Variants in PLVAP observed in about 807,000 individuals in gnomAD.
PLVAP encodes the protein plasmalemma vesicle-associated protein.
A neutral mutation model predicts 43.1 loss-of-function variants in PLVAP; 34 were observed. The observed-to-expected ratio is 0.79, with a 90% CI of 0.60 to 1.05. The LOEUF (loss-of-function observed/expected upper bound fraction) is 1.05. Ranked by LOEUF, PLVAP falls within the 50% of genes least tolerant of loss-of-function variation. PLVAP has a pLI of 0.00. For missense variants in PLVAP, 574 were observed against 593.4 expected (o/e 0.97, Z 0.34); for synonymous variants, 241 against 237.3 (o/e 1.02, Z -0.14).
intron 1 of PLVAP, among the ~76,000 whole-genome samples, chr19:17,372,595 T>C (rs1189238512): frequency 7.4e-5 from 11 of 149,306 alleles, no homozygotes; most frequent in Admixed American, 4.0e-4. Context: ...TAGCTGGGAC[T>C]ACAGGCGCCC....
intron 1 of PLVAP, among the ~76,000 whole-genome samples, chr19:17,376,183 A>G (rs945992443): frequency 6.6e-6 from 1 of 151,936 alleles, no homozygotes; most frequent in Non-Finnish European, 1.5e-5. Context: ...GCCTCCAAAA[A>G]AAAGAAAAGA....
At chr19:17,372,836 G>A (rs539020511) in intron 1 of PLVAP, among the ~76,000 whole-genome samples, 266 of 150,640 alleles carry the variant, frequency 1.8e-3, no homozygotes, top group African/African-American at 6.3e-3. Flanking sequence ...GCCAAGGCGG[G>A]CGGATCACGA....
chr19:17,370,159 G>A (rs2145725409), intron 1 of PLVAP, among the ~76,000 whole-genome samples: 1 of 152,282 alleles, frequency 6.6e-6, no homozygotes, highest in South Asian at 2.1e-4. Flanking sequence ...AGGTGTTGAT[G>A]AGGATGTGGG....
chr19:17,364,764 C>CTTT (rs71162109), intron 3 of PLVAP, among the ~76,000 whole-genome samples: 3 of 87,358 alleles, frequency 3.4e-5, no homozygotes, highest in Admixed American at 1.1e-4. Context: ...TAATTCCAGT[C>CTTT]TTTTTTTTTT....
chr19:17,356,633 C>G (rs1163437345), intron 5 of PLVAP, among the ~76,000 whole-genome samples: 3 of 150,918 alleles, frequency 2.0e-5, no homozygotes, highest in East Asian at 4.1e-4. Flanking sequence ...GCCACTTTGT[C>G]CCACTAAACT....
chr19:17,359,812 C>T (rs761300487), intron 5 of PLVAP, among the ~76,000 whole-genome samples: 9 of 151,556 alleles, frequency 5.9e-5, no homozygotes, highest in Non-Finnish European at 1.0e-4. Context: ...CCTGCCTCAG[C>T]CTCCTGAGTA....
intron 5 of PLVAP, among the ~76,000 whole-genome samples, chr19:17,355,655 C>T (rs1040827053): frequency 6.6e-6 from 1 of 152,026 alleles, no homozygotes; most frequent in African/African-American, 2.4e-5. Context: ...CTGCCTTAGC[C>T]TCCCGAGTAG....
intron 5 of PLVAP, among the ~76,000 whole-genome samples, chr19:17,356,003 A>G (rs2074505234): frequency 6.6e-6 from 1 of 152,220 alleles, no homozygotes; most frequent in African/African-American, 2.4e-5. Context: ...TCACCAACAG[A>G]AAATGACTTT....
chr19:17,365,657 T>A lies in PLVAP; in HGVS notation c.808A>T (p.Arg270Ter). The change falls in exon 3 of 6, where the codon AGA (arginine) becomes TGA (stop). Residue 270 changes from arginine to a stop codon, truncating the protein, a stop_gained. Transcript: ENST00000252590. LOFTEE classifies it high-confidence loss of function. The stretch of plus-strand genomic sequence containing the variant: ...AGGCTGGGCATGTGGTCGCAGGCTC[T>A]GCGGATGGAGGCCAATTCCGAGCCC... ...PLGSELASIR[R>*]ACDHMPSLMS... 1 of 1,613,736 alleles carries A rather than the reference T, an allele frequency of 6.2e-7. No individual in the cohort carries two copies. The highest frequency in any genetic ancestry group is 2.2e-5 in the East Asian group (1 of 44,884).
intron 1 of PLVAP, among the ~76,000 whole-genome samples, chr19:17,373,203 G>T (rs958100919): frequency 6.6e-5 from 10 of 152,030 alleles, no homozygotes; most frequent in African/African-American, 2.4e-4. Context: ...TGAGGGAGGG[G>T]CACAGTTATG....
chr19:17,351,467 ATATT>A lies in PLVAP; in HGVS notation c.*891_*894del, dbSNP rs2074484336. 1 of 152,198 alleles carries A rather than the reference ATATT, an allele frequency of 6.6e-6. No homozygotes were observed. The highest frequency in any genetic ancestry group is 2.4e-5 in the African/African-American group (1 of 41,446). The allele number at this position is 152,198 out of a possible 1,614,324, so 9.4% of individuals were successfully genotyped here. A position where few individuals can be genotyped will look rare whatever the true frequency, so the allele number is the denominator to read the frequency against. On this transcript the variant is annotated 3_prime_UTR_variant, in exon 6 of 6. Transcript: ENST00000252590. ...TCTGGAGTCTTTGAAGGATTTACTA[ATATT>A]TATTAAGTGCCACCAACATTTCAAC...
chr19:17,372,602 GC>G (rs1365748550), intron 1 of PLVAP, among the ~76,000 whole-genome samples: 1 of 148,968 alleles, frequency 6.7e-6, no homozygotes, highest in Non-Finnish European at 1.5e-5. Flanking sequence ...GACTACAGGC[GC>G]CCACCACCAC....
rs1482268538 is a variant in PLVAP at position 17,377,290 on chromosome 19, T to C, written c.-2A>G. On this transcript the variant is annotated 5_prime_UTR_variant, in exon 1 of 6. Transcript: ENST00000252590. Reference sequence around the variant, plus strand: ...TCCGTGCTCCATGGCCAGACCCATTTGCTCGATCCCGCCGTCCGGTGCACC... The same window carrying C: ...TCCGTGCTCCATGGCCAGACCCATTCGCTCGATCCCGCCGTCCGGTGCACC... The C allele has an allele frequency of 1.2e-5, 20 of 1,606,660 alleles. No individual in the cohort carries two copies. The East Asian group carries it at 4.2e-4, about 34-fold the overall frequency.
chr19:17,352,478 C>A (rs2145715807), intron 5 of PLVAP, 110 bp from the exon 6 acceptor site: 1 of 1,224,244 alleles, frequency 8.2e-7, no homozygotes, highest in South Asian at 1.3e-5. Context: ...TCCTGGGGAC[C>A]CCGGCCCTGC....
intron 5 of PLVAP, among the ~76,000 whole-genome samples, chr19:17,354,200 G>A (rs997060927): frequency 6.6e-6 from 1 of 152,170 alleles, no homozygotes; most frequent in African/African-American, 2.4e-5. Context: ...TGAGGCATGA[G>A]AATTGCTTGA....
intron 3 of PLVAP, 176 bp from the exon 4 acceptor site, chr19:17,361,008 A>G (rs1441478969): frequency 1.7e-6 from 1 of 595,100 alleles, no homozygotes; most frequent in East Asian, 2.9e-5. Flanking sequence ...TCTGCCTCCC[A>G]GGTTCAAGCG....
At chr19:17,359,709 T>TTTTTTTTG (rs1491085370) in intron 5 of PLVAP, among the ~76,000 whole-genome samples, 2 of 132,788 alleles carry the variant, frequency 1.5e-5, no homozygotes, top group Non-Finnish European at 1.6e-5. Flanking sequence ...TTTTTTTTTT[T>TTTTTTTTG]TCTGACACAG....
chr19:17,352,053 C>T lies in PLVAP; in HGVS notation c.*309G>A. ...TGTGCGACGTGCTGCATCTGCACGACGCCATCGCTATATCTCTTCGTGACG... is the reference window on the plus strand; with the variant it reads ...TGTGCGACGTGCTGCATCTGCACGATGCCATCGCTATATCTCTTCGTGACG... On this transcript the variant is annotated 3_prime_UTR_variant, in exon 6 of 6. Transcript: ENST00000252590. 3 of 447,482 alleles carry T rather than the reference C, an allele frequency of 6.7e-6. No individual in the cohort carries two copies. The highest frequency in any genetic ancestry group is 1.2e-5 in the Non-Finnish European group (3 of 244,546). The allele number at this position is 447,482 out of a possible 1,614,324, so 27.7% of individuals were successfully genotyped here.
In PLVAP at chr19:17,352,344, C is replaced by T. The variant is rs763969828; in HGVS notation, c.*18G>A. On this transcript the variant is annotated 3_prime_UTR_variant, in exon 6 of 6. Coordinates refer to ENST00000252590, the MANE Select transcript of PLVAP (RefSeq NM_031310.3). Reference sequence around the variant, plus strand: ...CGCCGAGTCGGGCCATCCCTTGGTCCTCAGGCCTGGAGCCTCCTCAGCCAC... The same window carrying T: ...CGCCGAGTCGGGCCATCCCTTGGTCTTCAGGCCTGGAGCCTCCTCAGCCAC... 5 of 1,613,508 alleles carry T rather than the reference C, an allele frequency of 3.1e-6. No individual in the cohort carries two copies. The African/African-American group carries it at 5.3e-5, about 17-fold the overall frequency.
Sources: allele counts gnomAD v4.1 joint callset (sites outside exome capture counted in the v4.1 genomes callset), GRCh38; gene constraint gnomAD v4.1.1; transcripts MANE v1.5; gene names NCBI Gene and HGNC (gene_info 2026-07-23, HGNC 2026-07-21).